Variants in UBTD1 observed in about 807,000 individuals in gnomAD.
UBTD1 encodes the protein ubiquitin domain containing 1, also known as ubiquitin domain-containing protein 1.
Under a neutral mutation model 21.7 loss-of-function variants are expected in UBTD1, and 19 were observed. The ratio of observed to expected loss-of-function variants is 0.87; its 90% CI spans 0.61 to 1.28. The LOEUF is 1.28. UBTD1 is among the 50% of genes most tolerant of loss of function. The probability of loss-of-function intolerance (pLI) is 0.00; values close to 1 mark genes in which losing one functional copy is unlikely to be tolerated. For missense variants in UBTD1, 282 were observed against 315.1 expected (o/e 0.89, Z 0.80); for synonymous variants, 116 against 135.1 (o/e 0.86, Z 0.98).
chr10:97,521,271 C>G (rs994275356), intron 1 of UBTD1, among the ~76,000 whole-genome samples: 1 of 152,214 alleles, frequency 6.6e-6, no homozygotes, highest in Non-Finnish European at 1.5e-5. Flanking sequence ...GTGGGCAGCT[C>G]CCTGGCTGGT....
rs527655940 is a variant in UBTD1, at chr10:97,506,327, C to T, written c.70+7054C>T. Reference sequence around the variant, plus strand: ...CTGTGCTTATAGTAGTGTGAGGCCACGGGGCTTGTGAGACTCTAGGGCAGT... The same window carrying T: ...CTGTGCTTATAGTAGTGTGAGGCCATGGGGCTTGTGAGACTCTAGGGCAGT... On this transcript the variant is annotated intron_variant, in intron 1 of 2. Coordinates refer to ENST00000370664, the MANE Select transcript of UBTD1 (RefSeq NM_024954.5). Among the ~76,000 whole-genome samples, 34 of 152,294 alleles carry T rather than the reference C, an allele frequency of 2.2e-4. 1 individual carries two copies. Among genetic ancestry groups the T allele is most frequent in the Admixed American group, 2.0e-3 (31 of 15,294 alleles).
intron 1 of UBTD1, among the ~76,000 whole-genome samples, chr10:97,551,999 C>A (rs988209823): frequency 2.0e-5 from 3 of 152,026 alleles, no homozygotes; most frequent in Non-Finnish European, 2.9e-5. Context: ...GCAGCCTTGA[C>A]CTTCTGGGCT....
chr10:97,511,706 A>T (rs573026715), intron 1 of UBTD1, among the ~76,000 whole-genome samples: 1 of 151,952 alleles, frequency 6.6e-6, no homozygotes, highest in South Asian at 2.1e-4. Context: ...CCCAAAATAG[A>T]CTGTCACATG....
intron 1 of UBTD1, among the ~76,000 whole-genome samples, chr10:97,551,947 C>T (rs1272909493): frequency 1.3e-5 from 2 of 152,136 alleles, no homozygotes; most frequent in African/African-American, 2.4e-5. Context: ...CTTACTCTGT[C>T]GCCCAGTCTG....
chr10:97,568,191 C>T, intron 2 of UBTD1, 50 bp downstream of exon 2: 1 of 1,597,584 alleles, frequency 6.3e-7, no homozygotes, highest in Non-Finnish European at 8.6e-7. Flanking sequence ...AGGGGGTCAC[C>T]AGCACAGTTT....
rs531439384 is a variant in UBTD1 at position 97,515,662 on chromosome 10, C to T, written c.70+16389C>T. Among the ~76,000 whole-genome samples the T allele has an allele frequency of 3.9e-5, 6 of 152,316 alleles. No individual in the cohort carries two copies. The East Asian group carries it at 1.2e-3, about 29-fold the overall frequency. ...TGAGCTTCCTTCACTTCTCTGCAGC[C>T]TGGCTTTCCCCTCCTGAGCCCACAC... On this transcript the variant is annotated intron_variant, in intron 1 of 2. Coordinates refer to ENST00000370664, the MANE Select transcript of UBTD1 (RefSeq NM_024954.5).
intron 1 of UBTD1, among the ~76,000 whole-genome samples, chr10:97,499,498 A>G (rs1351938937): frequency 6.6e-6 from 1 of 151,936 alleles, no homozygotes; most frequent in Non-Finnish European, 1.5e-5. Flanking sequence ...ACTCTCTCCA[A>G]CTGGGTAGCT....
chr10:97,515,657 GC>G (rs1018321690), intron 1 of UBTD1, among the ~76,000 whole-genome samples: 4 of 152,124 alleles, frequency 2.6e-5, no homozygotes, highest in African/African-American at 9.7e-5. Context: ...TCACTTCTCT[GC>G]AGCCTGGCTT....
chr10:97,556,557 G>T (rs775907659), intron 1 of UBTD1, among the ~76,000 whole-genome samples: 4 of 152,178 alleles, frequency 2.6e-5, no homozygotes, highest in Non-Finnish European at 4.4e-5. Context: ...GTGCCAAAGT[G>T]GCTGGTCCAT....
chr10:97,500,839 C>A (rs2040373279), intron 1 of UBTD1, among the ~76,000 whole-genome samples: 2 of 152,236 alleles, frequency 1.3e-5, no homozygotes, highest in South Asian at 4.1e-4. Context: ...GCTTAAACTT[C>A]AGCTCTTCTC....
chr10:97,568,009 G>T lies in UBTD1; in HGVS notation c.166G>T (p.Asp56Tyr). 1 of 1,614,126 alleles carries T rather than the reference G, an allele frequency of 6.2e-7. No homozygotes were observed. The highest frequency in any genetic ancestry group is 8.5e-7 in the Non-Finnish European group (1 of 1,180,036). The change falls in exon 2 of 3, where the codon GAC becomes TAC. Residue 56 changes from aspartate (D) to tyrosine (Y), a missense_variant. By Grantham distance (160) the Asp-to-Tyr change is radical. Coordinates refer to ENST00000370664, the MANE Select transcript of UBTD1 (RefSeq NM_024954.5). ...GCGGAGCAAACGGGATGAGTTCTGGGACACAGCGCCTGCCTTCGAGGGCCG... is the reference window on the plus strand; with the variant it reads ...GCGGAGCAAACGGGATGAGTTCTGGTACACAGCGCCTGCCTTCGAGGGCCG... ...QLRSKRDEFW[D>Y]TAPAFEGRKE...
intron 1 of UBTD1, among the ~76,000 whole-genome samples, chr10:97,555,422 G>A (rs888577539): frequency 2.0e-5 from 3 of 152,050 alleles, no homozygotes; most frequent in East Asian, 1.9e-4. Context: ...TGTGGCTCAC[G>A]TGAGGTGGGG....
At chr10:97,512,175 A>G (rs1045592268) in intron 1 of UBTD1, among the ~76,000 whole-genome samples, 2 of 152,064 alleles carry the variant, frequency 1.3e-5, no homozygotes, top group African/African-American at 4.8e-5. Flanking sequence ...TTCCAAATCT[A>G]TTTCCACATG....
rs907777688 is a variant in UBTD1, at chr10:97,568,158, A to G, written c.298+17A>G. 1 of 1,613,098 alleles carries G rather than the reference A, an allele frequency of 6.2e-7. No individual in the cohort carries two copies. The highest frequency in any genetic ancestry group is 8.5e-7 in the Non-Finnish European group (1 of 1,179,796). ...TGCCTCATGGTAAGTGGGCAGGGCC[A>G]GGGCTTTATCCCCGCTGGAGCTAGG... On this transcript the variant is annotated intron_variant, in intron 2 of 2. Coordinates refer to ENST00000370664, the MANE Select transcript of UBTD1 (RefSeq NM_024954.5).
At chr10:97,506,412 A>G (rs1335687037) in intron 1 of UBTD1, among the ~76,000 whole-genome samples, 1 of 151,990 alleles carries the variant, frequency 6.6e-6, no homozygotes, top group Non-Finnish European at 1.5e-5. Context: ...TTCCACCTAC[A>G]ATCATTGCTG....
Position 97,570,706 on chromosome 10 carries a change from GGC to G in UBTD1, c.*184_*185del. The G allele has an allele frequency of 1.4e-6, 1 of 713,654 alleles. No homozygotes were observed. The highest frequency in any genetic ancestry group is 2.3e-6 in the Non-Finnish European group (1 of 441,702). 44.2% of individuals were successfully genotyped at this position (713,654 alleles called of 1,614,324 possible). On this transcript the variant is annotated 3_prime_UTR_variant, in exon 3 of 3. Coordinates refer to ENST00000370664, the MANE Select transcript of UBTD1 (RefSeq NM_024954.5). This position sits in a 1 kb window ranked among gnomAD's most constrained non-coding sequence, Gnocchi z 6.6. Reference sequence around the variant, plus strand: ...ACCAGTTCCCGGTACCCAGGGAGCAGGCAGCCACACACGGGCCTTGCAACCTT... The same window carrying G: ...ACCAGTTCCCGGTACCCAGGGAGCAGAGCCACACACGGGCCTTGCAACCTT...
intron 1 of UBTD1, among the ~76,000 whole-genome samples, chr10:97,504,827 G>A (rs896551460): frequency 2.0e-5 from 3 of 152,158 alleles, no homozygotes; most frequent in Non-Finnish European, 4.4e-5. Flanking sequence ...ACCTCAGAGT[G>A]GTGTTCTATC....
intron 2 of UBTD1, among the ~76,000 whole-genome samples, chr10:97,568,960 A>G (rs1452012115): frequency 6.6e-6 from 1 of 152,072 alleles, no homozygotes; most frequent in African/African-American, 2.4e-5. Context: ...AGTAGCTGGG[A>G]TTACAGGCAT....
rs568399361 is a variant in UBTD1, at chr10:97,540,841, G to A, written c.71-27073G>A. ...CATGGAGGCAGACGTGGGCATTGCC[G>A]AGTCAATTTCTGGAGACACCATGTG... On this transcript the variant is annotated intron_variant, in intron 1 of 2. Coordinates refer to ENST00000370664, the MANE Select transcript of UBTD1 (RefSeq NM_024954.5). Among the ~76,000 whole-genome samples, 12 of 152,324 alleles carry A rather than the reference G, an allele frequency of 7.9e-5. No homozygotes were observed. The South Asian group carries it at 1.7e-3, about 21-fold the overall frequency.
Sources: gnomAD v4.1 joint callset for allele counts (sites outside exome capture counted in the v4.1 genomes callset) on GRCh38, gnomAD v4.1.1 for gene constraint, Gnocchi (gnomAD v3.1) non-coding constraint, MANE v1.5 for transcripts, NCBI Gene and HGNC (gene_info 2026-07-23, HGNC 2026-07-21) for gene names.